SAMD5: variants seen among roughly 807,000 people sequenced by gnomAD.
The protein encoded by SAMD5 is sterile alpha motif domain-containing protein 5.
SAMD5 carries 13 observed loss-of-function variants against 11.3 expected under a neutral mutation model. That is an observed-to-expected ratio of 1.15 (90% CI 0.75 to 1.83). The LOEUF is 1.83. Among genes scored for constraint, SAMD5 ranks in the 40% most tolerant of loss-of-function variants. The pLI, the probability that SAMD5 is intolerant of heterozygous loss-of-function variation, is 0.00. For synonymous variants in SAMD5, 129 were observed against 111.3 expected (o/e 1.16, Z -1.00); for missense variants, 255 against 239.1 (o/e 1.07, Z -0.44).
chr6:147,727,560 G>T (rs1436544532), intron 1 of SAMD5, among the ~76,000 whole-genome samples: 1 of 152,148 alleles, frequency 6.6e-6, no homozygotes, highest in Non-Finnish European at 1.5e-5. Context: ...AATGAATGTG[G>T]AGAGTAAACA....
the SAMD5 span, among the ~76,000 whole-genome samples, chr6:147,757,683 T>G: frequency 6.6e-6 from 1 of 152,218 alleles, no homozygotes; most frequent in Admixed American, 6.5e-5. Context: ...TGAGAGGAAC[T>G]GTGCTCACTT....
At chr6:147,531,899 A>T (rs991984977) in intron 1 of SAMD5, among the ~76,000 whole-genome samples, 14 of 152,208 alleles carry the variant, frequency 9.2e-5, no homozygotes, top group African/African-American at 3.4e-4. Context: ...AAAAGGAGGA[A>T]ATAGGAGAAT....
chr6:147,819,140 T>C, the SAMD5 span, among the ~76,000 whole-genome samples: 4 of 152,208 alleles, frequency 2.6e-5, no homozygotes, highest in African/African-American at 9.6e-5. Context: ...TGGGATACTA[T>C]GCAGCCTTAA....
intron 1 of SAMD5, among the ~76,000 whole-genome samples, chr6:147,654,185 G>T (rs369037266): frequency 6.6e-6 from 1 of 152,124 alleles, no homozygotes; most frequent in East Asian, 1.9e-4. Context: ...AGTTCTAAAA[G>T]CCATAAAAGG....
At chr6:147,663,400 C>G (rs1790672773) in intron 1 of SAMD5, among the ~76,000 whole-genome samples, 1 of 152,118 alleles carries the variant, frequency 6.6e-6, no homozygotes, top group Admixed American at 6.5e-5. Flanking sequence ...ATGAAATAAT[C>G]TGTACAACAA....
chr6:147,751,411 G>C, the SAMD5 span, among the ~76,000 whole-genome samples: 925 of 152,054 alleles, frequency 6.1e-3, 5 homozygotes, highest in Middle Eastern at 0.037. Context: ...TTGCTTTCTT[G>C]TTGTATCCTC....
At chr6:147,652,277 T>C (rs571459740) in intron 1 of SAMD5, among the ~76,000 whole-genome samples, 1 of 56,600 alleles carries the variant, frequency 1.8e-5, no homozygotes, top group South Asian at 7.5e-4. Context: ...TAGCTGAAGG[T>C]TTTTTTGTTT....
the SAMD5 span, among the ~76,000 whole-genome samples, chr6:147,876,241 G>C: frequency 1.3e-5 from 2 of 152,214 alleles, no homozygotes; most frequent in East Asian, 3.8e-4. Flanking sequence ...GGTTCTGAGA[G>C]AGAAGAAGAT....
the SAMD5 span, among the ~76,000 whole-genome samples, chr6:147,930,402 T>C: frequency 1.3e-5 from 2 of 152,138 alleles, no homozygotes; most frequent in African/African-American, 2.4e-5. Flanking sequence ...TAGCCACTCC[T>C]CATACCGATT....
intron 1 of SAMD5, among the ~76,000 whole-genome samples, chr6:147,720,207 A>G (rs889482240): frequency 6.6e-6 from 1 of 152,192 alleles, no homozygotes; most frequent in African/African-American, 2.4e-5. Context: ...CACGCCTGTA[A>G]TCCCAGCACT....
At chr6:147,661,122 C>T (rs1261714464) in intron 1 of SAMD5, among the ~76,000 whole-genome samples, 1 of 151,968 alleles carries the variant, frequency 6.6e-6, no homozygotes, top group Non-Finnish European at 1.5e-5. Flanking sequence ...ATATATATTC[C>T]CTTTAGAAGC....
chr6:147,876,080 G>A, the SAMD5 span, among the ~76,000 whole-genome samples: 3 of 152,136 alleles, frequency 2.0e-5, no homozygotes, highest in East Asian at 1.9e-4. Flanking sequence ...AGGAGGAAGC[G>A]GGTCACTTTC....
the SAMD5 span, among the ~76,000 whole-genome samples, chr6:147,780,492 G>A: frequency 2.0e-5 from 3 of 152,202 alleles, no homozygotes; most frequent in South Asian, 6.2e-4. Flanking sequence ...ACAGGCGTGA[G>A]CCACTGCACC....
the SAMD5 span, among the ~76,000 whole-genome samples, chr6:147,802,433 A>C: frequency 6.6e-5 from 10 of 152,366 alleles, no homozygotes; most frequent in East Asian, 1.9e-3. Flanking sequence ...GATGTGGAAC[A>C]ACTCGAGCTC....
At chr6:147,691,293 C>T (rs1791100201) in intron 1 of SAMD5, among the ~76,000 whole-genome samples, 1 of 152,128 alleles carries the variant, frequency 6.6e-6, no homozygotes, top group Non-Finnish European at 1.5e-5. Flanking sequence ...CATATCCAGC[C>T]TTAGGTATCT....
At chr6:147,774,503 T>C in the SAMD5 span, among the ~76,000 whole-genome samples, 1 of 152,206 alleles carries the variant, frequency 6.6e-6, no homozygotes, top group Admixed American at 6.5e-5. Flanking sequence ...TTTTAAATCA[T>C]CTCTAGATTA....
chr6:147,944,173 A>G, the SAMD5 span, among the ~76,000 whole-genome samples: 1 of 152,140 alleles, frequency 6.6e-6, no homozygotes, highest in East Asian at 1.9e-4. Context: ...ATTCACACAC[A>G]TACATCTCCT....
the SAMD5 span, among the ~76,000 whole-genome samples, chr6:147,894,209 C>T: frequency 5.3e-5 from 8 of 151,694 alleles, no homozygotes; most frequent in South Asian, 1.7e-3. Flanking sequence ...CTGCAACCTC[C>T]ATCCCCCAGG....
the SAMD5 span, among the ~76,000 whole-genome samples, chr6:147,784,831 A>G: frequency 1.3e-5 from 2 of 152,244 alleles, no homozygotes; most frequent in East Asian, 1.9e-4. Flanking sequence ...TTTAAAGTCA[A>G]TAGCACTAGC....
Sources: gnomAD v4.1 joint callset for allele counts (sites outside exome capture counted in the v4.1 genomes callset) on GRCh38, gnomAD v4.1.1 for gene constraint, MANE v1.5 for transcripts, NCBI Gene and HGNC (gene_info 2026-07-23, HGNC 2026-07-21) for gene names.